Variants in DNM3 observed in about 807,000 individuals in gnomAD.
DNM3 encodes dynamin-3.
Under a neutral mutation model 101.6 loss-of-function variants are expected in DNM3, and 47 were observed. The observed-to-expected ratio is 0.46, with a 90% CI of 0.37 to 0.59. DNM3 has a LOEUF of 0.59. Ranked by LOEUF, DNM3 falls within the 20% of genes least tolerant of loss-of-function variation. The probability of loss-of-function intolerance (pLI) is 0.00; values close to 1 mark genes in which losing one functional copy is unlikely to be tolerated. For missense variants in DNM3, 849 were observed against 1,085.7 expected (o/e 0.78, Z 3.06); for synonymous variants, 385 against 387.9 (o/e 0.99, Z 0.09).
chr1:172,176,388 C>G, intron 14 of DNM3, among the ~76,000 whole-genome samples: 1 of 151,752 alleles, frequency 6.6e-6, no homozygotes, highest in Admixed American at 6.6e-5. Context: ...TTATGATCTC[C>G]AGAACTGTAA....
intron 10 of DNM3, among the ~76,000 whole-genome samples, chr1:172,062,708 A>G (rs551145740): frequency 1.2e-4 from 18 of 152,272 alleles, no homozygotes; most frequent in African/African-American, 2.9e-4. Flanking sequence ...TCATATGCCA[A>G]TGTAGAACAC....
chr1:172,377,294 T>C (rs182759110), intron 17 of DNM3, among the ~76,000 whole-genome samples: 1 of 152,020 alleles, frequency 6.6e-6, no homozygotes, highest in East Asian at 1.9e-4. Context: ...GCTACAGATC[T>C]ATATAAAGTA....
chr1:172,013,811 G>A (rs1281602947), intron 4 of DNM3, among the ~76,000 whole-genome samples: 1 of 152,040 alleles, frequency 6.6e-6, no homozygotes, highest in Non-Finnish European at 1.5e-5. Context: ...TATTGGAGTA[G>A]GTTGAAGATA....
chr1:172,144,199 A>C (rs1337463390), intron 14 of DNM3, among the ~76,000 whole-genome samples: 2 of 152,008 alleles, frequency 1.3e-5, no homozygotes, highest in African/African-American at 2.4e-5. Context: ...AAAAAAAAAA[A>C]AACAGTAAAT....
At chr1:171,965,534 G>A (rs2043519082) in intron 2 of DNM3, among the ~76,000 whole-genome samples, 1 of 150,966 alleles carries the variant, frequency 6.6e-6, no homozygotes, top group Admixed American at 6.6e-5. Flanking sequence ...CTGGACAACA[G>A]AGCTAGACCC....
chr1:172,229,703 A>G (rs2061260947), intron 14 of DNM3, among the ~76,000 whole-genome samples: 1 of 152,168 alleles, frequency 6.6e-6, no homozygotes, highest in Non-Finnish European at 1.5e-5. Flanking sequence ...ATAGATATGT[A>G]TGTATATTAT....
chr1:171,904,662 T>C (rs2038662437), intron 1 of DNM3, among the ~76,000 whole-genome samples: 1 of 151,798 alleles, frequency 6.6e-6, no homozygotes, highest in African/African-American at 2.4e-5. Flanking sequence ...AGATGGCCTG[T>C]TTTTTTTGCG....
At chr1:171,868,223 A>G (rs2034947406) in intron 1 of DNM3, among the ~76,000 whole-genome samples, 1 of 151,906 alleles carries the variant, frequency 6.6e-6, no homozygotes, top group South Asian at 2.1e-4. Flanking sequence ...AGTGAGTGTT[A>G]TTTTCTAAGA....
At chr1:172,241,265 G>GTGTGTA (rs10671371) in intron 14 of DNM3, among the ~76,000 whole-genome samples, 1 of 151,136 alleles carries the variant, frequency 6.6e-6, no homozygotes, top group African/African-American at 2.4e-5. Context: ...GTGTGTGTGT[G>GTGTGTA]CACGTGTGTA....
At chr1:172,084,171 A>T (rs2053363172) in intron 12 of DNM3, among the ~76,000 whole-genome samples, 1 of 152,136 alleles carries the variant, frequency 6.6e-6, no homozygotes, top group Non-Finnish European at 1.5e-5. Flanking sequence ...GATGTATCAA[A>T]TGGAATAATA....
At chr1:171,974,895 T>C (rs2044262774) in intron 2 of DNM3, among the ~76,000 whole-genome samples, 1 of 151,276 alleles carries the variant, frequency 6.6e-6, no homozygotes, top group Admixed American at 6.6e-5. Flanking sequence ...GGGGTCTTGG[T>C]CTGTCACCCA....
chr1:172,337,058 A>C (rs1053232744), intron 17 of DNM3, among the ~76,000 whole-genome samples: 1 of 152,238 alleles, frequency 6.6e-6, no homozygotes, highest in Admixed American at 6.5e-5. Flanking sequence ...CATCTTTGTC[A>C]AAGTGCCTTC....
chr1:172,054,990 A>G (rs1410952072), intron 10 of DNM3, among the ~76,000 whole-genome samples: 2 of 148,026 alleles, frequency 1.4e-5, no homozygotes, highest in Non-Finnish European at 3.0e-5. Flanking sequence ...AGAAAAAGAA[A>G]TACAGGGAAA....
At chr1:172,318,621 T>C (rs557412831) in intron 16 of DNM3, among the ~76,000 whole-genome samples, 1 of 152,162 alleles carries the variant, frequency 6.6e-6, no homozygotes, top group East Asian at 1.9e-4. Flanking sequence ...AAATCATGAG[T>C]GAACTACCAT....
chr1:172,221,905 G>A (rs1023852958), intron 14 of DNM3, among the ~76,000 whole-genome samples: 59 of 152,044 alleles, frequency 3.9e-4, no homozygotes, highest in African/African-American at 1.4e-3. Context: ...TAAAGACAAA[G>A]ACTTTGTAGG....
At position 172,396,903 on chromosome 1, in the gene DNM3, G is replaced by A. The variant is rs534116386; in HGVS notation, c.2522+8094G>A. Among the ~76,000 whole-genome samples, 6 of 152,306 alleles carry A rather than the reference G, an allele frequency of 3.9e-5. No individual in the cohort carries two copies. The South Asian group carries it at 1.2e-3, about 32-fold the overall frequency. ...ACTTTTAAAGGCATTTCGCAGTCCA[G>A]AGAGTCTGCAATGAAATTATTCCAC... is the stretch of plus-strand genomic sequence containing the variant. On this transcript the variant is annotated intron_variant, in intron 20 of 20. Transcript: ENST00000627582.
intron 15 of DNM3, among the ~76,000 whole-genome samples, chr1:172,262,985 G>A (rs1057342715): frequency 6.6e-6 from 1 of 152,190 alleles, no homozygotes; most frequent in Non-Finnish European, 1.5e-5. Flanking sequence ...CTTTTGCGGG[G>A]AGGAGGCAAT....
rs147107110 is a variant in DNM3, at chr1:172,288,335, G to A, written c.1770-20393G>A. ...GAGATTGTTCCAGGCAGAGTGAACAGCATATGCCAAGACCCTGAGGTAGGG... is the reference window on the plus strand; with the variant it reads ...GAGATTGTTCCAGGCAGAGTGAACAACATATGCCAAGACCCTGAGGTAGGG... On this transcript the variant is annotated intron_variant, in intron 15 of 20. Coordinates refer to ENST00000627582, the MANE Select transcript of DNM3 (RefSeq NM_015569.5). Among the ~76,000 whole-genome samples, 15 of 152,318 alleles carry A rather than the reference G, an allele frequency of 9.8e-5. 1 individual carries two copies. In the East Asian group the frequency reaches 2.9e-3, roughly 29 times the overall value.
intron 1 of DNM3, among the ~76,000 whole-genome samples, chr1:171,908,771 T>C (rs1352864674): frequency 6.6e-6 from 1 of 152,214 alleles, no homozygotes; most frequent in African/African-American, 2.4e-5. Flanking sequence ...TTCTCTAATA[T>C]GGTGTATTCT....
Sources: allele counts gnomAD v4.1 joint callset (sites outside exome capture counted in the v4.1 genomes callset), GRCh38; gene constraint gnomAD v4.1.1; transcripts MANE v1.5; gene names NCBI Gene and HGNC (gene_info 2026-07-23, HGNC 2026-07-21).